Variants in PPARD observed in about 807,000 individuals in gnomAD.
The protein encoded by PPARD is peroxisome proliferator activated receptor delta, also known as peroxisome proliferator-activated receptor delta.
A neutral mutation model predicts 39.5 loss-of-function variants in PPARD; 6 were observed. The ratio of observed to expected loss-of-function variants is 0.15; its 90% CI spans 0.08 to 0.30. The LOEUF is 0.30. PPARD is among the 10% of genes least tolerant of loss of function. PPARD has a pLI of 1.00. For missense variants in PPARD, 397 were observed against 596.8 expected (o/e 0.67, Z 3.49); for synonymous variants, 210 against 231.3 (o/e 0.91, Z 0.83).
rs920968158 is a variant in PPARD, at chr6:35,363,954, C to T, written c.-102+16804C>T. Among the ~76,000 whole-genome samples the T allele has an allele frequency of 1.1e-4, 16 of 149,526 alleles. No individual in the cohort carries two copies. Among genetic ancestry groups the T allele is most frequent in the East Asian group, 3.9e-4 (2 of 5,150 alleles). ...TTAATATATTTATATATTATATTAACGGTTTTATATATTATTTTAGCTGTG... is the reference window on the plus strand; with the variant it reads ...TTAATATATTTATATATTATATTAATGGTTTTATATATTATTTTAGCTGTG... On this transcript the variant is annotated intron_variant, in intron 2 of 7. Coordinates refer to ENST00000360694, the MANE Select transcript of PPARD (RefSeq NM_006238.5). The surrounding 1 kb of genome is among the most constrained non-coding windows in gnomAD (Gnocchi z 4.5).
chr6:35,418,448 G>A (rs1342586461), intron 3 of PPARD, among the ~76,000 whole-genome samples: 1 of 152,348 alleles, frequency 6.6e-6, no homozygotes, highest in Non-Finnish European at 1.5e-5. Flanking sequence ...GAGCTATCGC[G>A]TGCCTGCTGC....
intron 2 of PPARD, among the ~76,000 whole-genome samples, chr6:35,385,074 G>C (rs1256217094): frequency 1.5e-4 from 22 of 146,242 alleles, no homozygotes; most frequent in South Asian, 4.3e-4. Flanking sequence ...GCCTCTGCCC[G>C]GCCGCCCCTA....
At chr6:35,343,320 T>C (rs913121136) in intron 1 of PPARD, among the ~76,000 whole-genome samples, 3 of 152,152 alleles carry the variant, frequency 2.0e-5, no homozygotes, top group African/African-American at 7.2e-5. Flanking sequence ...ACTCCGTGCC[T>C]GCAGTCCCTG....
At chr6:35,405,529 G>A (rs1015536475) in intron 2 of PPARD, among the ~76,000 whole-genome samples, 13 of 151,626 alleles carry the variant, frequency 8.6e-5, no homozygotes, top group African/African-American at 2.2e-4. Flanking sequence ...GTGCTGGGGC[G>A]TGGAGAGGGG....
At chr6:35,413,461 A>G (rs1765559913) in intron 3 of PPARD, among the ~76,000 whole-genome samples, 1 of 152,250 alleles carries the variant, frequency 6.6e-6, no homozygotes, top group Non-Finnish European at 1.5e-5. Flanking sequence ...AAAGTTCCCA[A>G]AAATTCTACA....
chr6:35,379,096 CT>C (rs966712151), intron 2 of PPARD, among the ~76,000 whole-genome samples: 1,801 of 134,418 alleles, frequency 0.013, 5 homozygotes, highest in Non-Finnish European at 0.018. Flanking sequence ...TCTTTTCTTT[CT>C]TTTTTTTTTT....
rs756810762 is a variant in PPARD at position 35,420,286 on chromosome 6, G to A, written c.285+5G>A. On this transcript the variant is annotated splice_donor_5th_base_variant and intron_variant, in intron 4 of 7. Transcript: ENST00000360694. The stretch of plus-strand genomic sequence containing the variant: ...CATGCATGTGAGGGGTGCAAGGTAC[G>A]GACTGGGGGGAGCGGTGGCTGGCCA... 4.5e-6 allele frequency: 7 copies of A among 1,541,548 alleles called. No individual in the cohort carries two copies. In the South Asian group the frequency reaches 5.0e-5, roughly 11 times the overall value.
intron 2 of PPARD, among the ~76,000 whole-genome samples, chr6:35,358,206 C>T (rs1582291575): frequency 6.6e-6 from 1 of 152,264 alleles, no homozygotes; most frequent in African/African-American, 2.4e-5. Flanking sequence ...GGCAATGTGA[C>T]TACTGCAGCA....
chr6:35,353,079 A>C (rs1445441783), intron 2 of PPARD, among the ~76,000 whole-genome samples: 1 of 152,152 alleles, frequency 6.6e-6, no homozygotes, highest in Non-Finnish European at 1.5e-5. Context: ...TTCCAAGAGA[A>C]AAGCACATCT....
In PPARD at chr6:35,342,590, C is replaced by G. The variant is rs201191408; in HGVS notation, c.-277C>G. The G allele has an allele frequency of 6.6e-6, 1 of 152,536 alleles. No individual in the cohort carries two copies. The highest frequency in any genetic ancestry group is 1.5e-5 in the Non-Finnish European group (1 of 68,292). 9.4% of individuals were successfully genotyped at this position (152,536 alleles called of 1,614,324 possible). On this transcript the variant is annotated 5_prime_UTR_variant, in exon 1 of 8. Coordinates refer to ENST00000360694, the MANE Select transcript of PPARD (RefSeq NM_006238.5). ...GTGTGACGCTGCGGCCGCCGCGGAC[C>G]TGGGGATTAATGGGAAAAGTTTTGG...
chr6:35,428,175 T>G lies in PPARD; in HGVS notation c.*2096T>G, dbSNP rs1343906057. On this transcript the variant is annotated 3_prime_UTR_variant, in exon 8 of 8. Coordinates refer to ENST00000360694, the MANE Select transcript of PPARD (RefSeq NM_006238.5). ...CTTTAAATAAATGGGAATTAAATAT[T>G]TAAGAGCTGACTGGAAGCTGACTCA... The G allele has an allele frequency of 6.6e-6, 1 of 152,474 alleles. No individual in the cohort carries two copies. Among genetic ancestry groups the G allele is most frequent in the Non-Finnish European group, 1.5e-5 (1 of 68,020 alleles). The allele number at this position is 152,474 out of a possible 1,614,324, so 9.4% of individuals were successfully genotyped here.
Position 35,363,251 on chromosome 6 carries a change from G to A in PPARD, c.-102+16101G>A, listed in dbSNP as rs141082849. ...CTCAGGTCTTTTCTGGGCCACTTTG[G>A]CCTGCACACAGGTTGGGCTAGGAAT... On this transcript the variant is annotated intron_variant, in intron 2 of 7. Transcript: ENST00000360694. The surrounding 1 kb of genome is among the most constrained non-coding windows in gnomAD (Gnocchi z 4.5). 5.5e-4 allele frequency among the ~76,000 whole-genome samples: 83 copies of A among 152,262 alleles called. No homozygotes were observed. Among genetic ancestry groups the A allele is most frequent in the African/African-American group, 1.9e-3 (79 of 41,540 alleles).
chr6:35,424,281 G>A lies in PPARD; in HGVS notation c.628-48G>A. 1 of 1,599,902 alleles carries A rather than the reference G, an allele frequency of 6.3e-7. No homozygotes were observed. Among genetic ancestry groups the A allele is most frequent in the South Asian group, 1.1e-5 (1 of 89,216 alleles). On this transcript the variant is annotated intron_variant, in intron 6 of 7. Transcript: ENST00000360694. The surrounding 1 kb of genome is among the most constrained non-coding windows in gnomAD (Gnocchi z 7.1). The stretch of plus-strand genomic sequence containing the variant: ...GCAGGCAAGGGACATGGGGAGCACA[G>A]GGTGGGGGTCTCCCGAGGCCTGATC...
intron 2 of PPARD, among the ~76,000 whole-genome samples, chr6:35,367,511 C>T (rs1044912647): frequency 6.6e-6 from 1 of 152,178 alleles, no homozygotes; most frequent in Non-Finnish European, 1.5e-5. Context: ...AACTAAGGCT[C>T]AGAAAAATCC....
At chr6:35,359,193 G>GA (rs1582294041) in intron 2 of PPARD, among the ~76,000 whole-genome samples, 2 of 152,184 alleles carry the variant, frequency 1.3e-5, no homozygotes, top group East Asian at 3.9e-4. Context: ...AGGAGACCAG[G>GA]AGATGAAGTT....
At chr6:35,399,324 G>A (rs1163298569) in intron 2 of PPARD, among the ~76,000 whole-genome samples, 3 of 143,542 alleles carry the variant, frequency 2.1e-5, no homozygotes, top group African/African-American at 5.2e-5. Flanking sequence ...CACTTGAACC[G>A]GGGAGGCAGA....
Position 35,377,352 on chromosome 6 carries a change from C to G in PPARD, c.-102+30202C>G, listed in dbSNP as rs1173201619. ...GTGATAGTGGTGGAAAGGGGAAGCTCTTTCACGTTAATTTAGTCCCGTATC... is the reference window on the plus strand; with the variant it reads ...GTGATAGTGGTGGAAAGGGGAAGCTGTTTCACGTTAATTTAGTCCCGTATC... On this transcript the variant is annotated intron_variant, in intron 2 of 7. Coordinates refer to ENST00000360694, the MANE Select transcript of PPARD (RefSeq NM_006238.5). Among the ~76,000 whole-genome samples, 10 of 152,160 alleles carry G rather than the reference C, an allele frequency of 6.6e-5. 1 individual carries two copies.
At chr6:35,392,347 G>C (rs1176162051) in intron 2 of PPARD, among the ~76,000 whole-genome samples, 2 of 152,184 alleles carry the variant, frequency 1.3e-5, no homozygotes, top group Non-Finnish European at 2.9e-5. Context: ...GCTGTTGGAC[G>C]CTCCCCAGCC....
Position 35,421,856 on chromosome 6 carries a change from T to C in PPARD, c.322T>C (p.Tyr108His). The change falls in exon 5 of 8, where the codon TAC becomes CAC. Residue 108 changes from tyrosine (Y) to histidine (H), a missense_variant. Tyr to His is a moderately conservative substitution (Grantham distance 83). Transcript: ENST00000360694. ...TCGTACGATCCGCATGAAGCTGGAG[T>C]ACGAGAAGTGTGAGCGCAGCTGCAA... ...FRRTIRMKLEYEKCERSCKIQ... is the reference protein window; with the variant it reads ...FRRTIRMKLEHEKCERSCKIQ... The C allele has an allele frequency of 6.2e-7, 1 of 1,613,814 alleles. No homozygotes were observed.
Sources: gnomAD v4.1 joint callset for allele counts (sites outside exome capture counted in the v4.1 genomes callset) on GRCh38, gnomAD v4.1.1 for gene constraint, Gnocchi (gnomAD v3.1) non-coding constraint, MANE v1.5 for transcripts, NCBI Gene and HGNC (gene_info 2026-07-23, HGNC 2026-07-21) for gene names.